The following DUSP11 variants were observed in gnomAD, a reference collection of about 807,000 sequenced individuals.
The protein encoded by DUSP11 is RNA/RNP complex-1-interacting phosphatase.
A neutral mutation model predicts 41.4 loss-of-function variants in DUSP11; 27 were observed. The ratio of observed to expected loss-of-function variants is 0.65; its 90% CI spans 0.48 to 0.90. DUSP11 has a LOEUF of 0.90. Ranked by LOEUF, DUSP11 falls within the 40% of genes least tolerant of loss-of-function variation. DUSP11 has a pLI of 0.00. For synonymous variants in DUSP11, 188 were observed against 159.3 expected (o/e 1.18, Z -1.35); for missense variants, 465 against 461.1 (o/e 1.01, Z -0.08).
At chr2:73,777,567 C>A (rs1479812287) in intron 2 of DUSP11, among the ~76,000 whole-genome samples, 1 of 152,138 alleles carries the variant, frequency 6.6e-6, no homozygotes, top group African/African-American at 2.4e-5. Flanking sequence ...TCAGATTTTC[C>A]CCACTGAAAT....
chr2:73,775,672 T>G (rs1301257868), intron 2 of DUSP11, among the ~76,000 whole-genome samples: 135 of 147,632 alleles, frequency 9.1e-4, no homozygotes, highest in Middle Eastern at 3.5e-3. Context: ...TGGCTAACAC[T>G]GTGAAACCCC....
chr2:73,769,321 T>C (rs777714445), exon 5 of DUSP11: 2 of 1,611,166 alleles, frequency 1.2e-6, no homozygotes, highest in Non-Finnish European at 1.7e-6. Flanking sequence ...CACCAATAAG[T>C]TTATCTATAA....
At chr2:73,764,419 T>C (rs573205650) in intron 8 of DUSP11, among the ~76,000 whole-genome samples, 2 of 152,172 alleles carry the variant, frequency 1.3e-5, no homozygotes, top group South Asian at 4.2e-4. Context: ...TGTGAGCCAA[T>C]GCACCTGGCC....
chr2:73,771,123 T>C (rs944619422), intron 4 of DUSP11, among the ~76,000 whole-genome samples: 17 of 152,240 alleles, frequency 1.1e-4, no homozygotes, highest in African/African-American at 3.9e-4. Flanking sequence ...TCACCATATA[T>C]ATTCCATGTA....
At chr2:73,779,701 A>G in intron 1 of DUSP11, 173 bp downstream of exon 1, 1 of 936,166 alleles carries the variant, frequency 1.1e-6, no homozygotes, top group Non-Finnish European at 1.6e-6. Flanking sequence ...GACATCACAG[A>G]CATCGCCCCT....
At chr2:73,764,229 C>T (rs1034519197) in intron 8 of DUSP11, among the ~76,000 whole-genome samples, 4 of 151,970 alleles carry the variant, frequency 2.6e-5, no homozygotes, top group African/African-American at 4.8e-5. Flanking sequence ...TTTTCAATGC[C>T]GCAAGTGACA....
chr2:73,779,871 T>A lies in DUSP11; in HGVS notation c.242+3A>T. The A allele has an allele frequency of 6.2e-7, 1 of 1,614,090 alleles. No individual in the cohort carries two copies. The highest frequency in any genetic ancestry group is 8.5e-7 in the Non-Finnish European group (1 of 1,179,974). ...GCCACGCCAAGGGACCAAGACATAC[T>A]ACCTTTCGGGGATGTGGTTTCCGCC... On this transcript the variant is annotated splice_donor_region_variant and intron_variant, in intron 1 of 8. Transcript: ENST00000272444.
rs767853399 is a variant in DUSP11, at chr2:73,780,137, G to C, written c.-22C>G. ...GCATGTGCCACCGCCGGTCGTGATG[G>C]CGTAGCCACGCTGGCTTACTGAGAC... is the stretch of plus-strand genomic sequence containing the variant. On this transcript the variant is annotated 5_prime_UTR_variant, in exon 1 of 9. Coordinates refer to ENST00000272444, the Ensembl canonical transcript of DUSP11. The C allele has an allele frequency of 4.6e-5, 72 of 1,552,056 alleles. 1 individual carries two copies. In the South Asian group the frequency reaches 7.3e-4, roughly 16 times the overall value.
intron 2 of DUSP11, among the ~76,000 whole-genome samples, chr2:73,776,987 A>G (rs1212475964): frequency 6.6e-6 from 1 of 151,962 alleles, no homozygotes; most frequent in Non-Finnish European, 1.5e-5. Flanking sequence ...TGTCTCCAAC[A>G]CCTTCTTTTT....
chr2:73,777,188 A>G (rs557088214), intron 2 of DUSP11, among the ~76,000 whole-genome samples: 1 of 152,324 alleles, frequency 6.6e-6, no homozygotes, highest in East Asian at 1.9e-4. Context: ...AGTGTTGCCC[A>G]GGCTGGTCTA....
At chr2:73,776,833 T>C (rs985357953) in intron 2 of DUSP11, among the ~76,000 whole-genome samples, 3 of 152,234 alleles carry the variant, frequency 2.0e-5, no homozygotes, top group Non-Finnish European at 4.4e-5. Flanking sequence ...GAGATATTAG[T>C]ACTACTGCTA....
At chr2:73,767,968 A>C (rs892834491) in intron 5 of DUSP11, 1 of 152,288 alleles carries the variant, frequency 6.6e-6, no homozygotes, top group Non-Finnish European at 1.5e-5. Context: ...TAAGGTAGTG[A>C]CTAAAACCTT....
chr2:73,766,916 T>A lies in DUSP11; in HGVS notation c.683-13A>T, dbSNP rs1392162626. 1.9e-6 allele frequency: 3 copies of A among 1,601,936 alleles called. No homozygotes were observed. The highest frequency in any genetic ancestry group is 2.6e-6 in the Non-Finnish European group (3 of 1,172,808). On this transcript the variant is annotated splice_polypyrimidine_tract_variant and intron_variant, in intron 6 of 8. Transcript: ENST00000272444. ...CACCTATTGAATACTGAGGAGAGGA[T>A]AAACTGTTAGAAATAACTGTACAAA...
At chr2:73,774,699 G>A (rs887196991) in intron 3 of DUSP11, among the ~76,000 whole-genome samples, 1 of 152,110 alleles carries the variant, frequency 6.6e-6, no homozygotes, top group Non-Finnish European at 1.5e-5. Context: ...ATTGTAGCAC[G>A]TATTAAATCT....
chr2:73,766,219 G>C (rs1162582029), intron 8 of DUSP11, among the ~76,000 whole-genome samples, 199 bp downstream of exon 8: 1 of 151,188 alleles, frequency 6.6e-6, no homozygotes, highest in Non-Finnish European at 1.5e-5. Flanking sequence ...TGAGGCAGGA[G>C]AATTGCTTGA....
chr2:73,766,312 A>C (rs79106136), intron 8 of DUSP11, 106 bp downstream of exon 8: 3 of 1,029,000 alleles, frequency 2.9e-6, no homozygotes, highest in African/African-American at 1.7e-5. Flanking sequence ...CTGTCTCCAA[A>C]AAAAAAAAAA....
chr2:73,773,714 C>T, intron 4 of DUSP11, 86 bp downstream of exon 4: 1 of 1,339,156 alleles, frequency 7.5e-7, no homozygotes, highest in Non-Finnish European at 1.0e-6. Flanking sequence ...TACAACAGGT[C>T]TGAGGTTGGA....
intron 2 of DUSP11, among the ~76,000 whole-genome samples, chr2:73,777,216 C>T (rs576253164): frequency 3.3e-5 from 5 of 152,286 alleles, no homozygotes; most frequent in Admixed American, 6.5e-5. Flanking sequence ...TGGACTCAAG[C>T]GATACACCCA....
At chr2:73,779,835 G>T in intron 1 of DUSP11, 39 bp downstream of exon 1, 1 of 1,609,390 alleles carries the variant, frequency 6.2e-7, no homozygotes, top group South Asian at 1.1e-5. Flanking sequence ...CAGAAGCCAC[G>T]AGCTGGAAAG....
Sources: allele counts gnomAD v4.1 joint callset (sites outside exome capture counted in the v4.1 genomes callset), GRCh38; gene constraint gnomAD v4.1.1; transcripts MANE v1.5; gene names NCBI Gene and HGNC (gene_info 2026-07-23, HGNC 2026-07-21).